Variants in FARS2 observed in about 807,000 individuals in gnomAD.
FARS2 encodes the protein phenylalanyl-tRNA synthetase 2, mitochondrial.
Under a neutral mutation model 46.4 loss-of-function variants are expected in FARS2, and 40 were observed. That is an observed-to-expected ratio of 0.86 (90% CI 0.67 to 1.12). The LOEUF (loss-of-function observed/expected upper bound fraction) is 1.12, where lower values mean the gene tolerates loss of function less well. Among genes scored for constraint, FARS2 ranks in the 50% most tolerant of loss-of-function variants. The pLI is 0.00. For synonymous variants in FARS2, 234 were observed against 214.9 expected, an observed-to-expected ratio of 1.09 and a Z score of -0.78; for missense variants, 513 against 567.9, an observed-to-expected ratio of 0.90 and a Z score of 0.98.
At chr6:5,712,157 C>G (rs1015166884) in intron 6 of FARS2, among the ~76,000 whole-genome samples, 4 of 152,192 alleles carry the variant, frequency 2.6e-5, no homozygotes, top group African/African-American at 7.2e-5. Context: ...CACAGCACAG[C>G]TGAAGTAGCT....
chr6:5,283,690 C>T (rs915310130), intron 1 of FARS2, among the ~76,000 whole-genome samples: 3 of 152,034 alleles, frequency 2.0e-5, no homozygotes, highest in African/African-American at 4.8e-5. Flanking sequence ...ACATTTATAT[C>T]GCATTTCTAA....
At chr6:5,310,149 A>T (rs1258535239) in intron 1 of FARS2, among the ~76,000 whole-genome samples, 1 of 152,142 alleles carries the variant, frequency 6.6e-6, no homozygotes, top group Non-Finnish European at 1.5e-5. Context: ...GGGAAAGTAG[A>T]TTTTCCAATA....
At chr6:5,427,889 T>C (rs1762938530) in intron 3 of FARS2, among the ~76,000 whole-genome samples, 1 of 152,214 alleles carries the variant, frequency 6.6e-6, no homozygotes, top group Non-Finnish European at 1.5e-5. Context: ...ATTACAGAAA[T>C]TTTCAATCCA....
intron 1 of FARS2, among the ~76,000 whole-genome samples, chr6:5,272,814 C>T (rs1766057794): frequency 6.6e-6 from 1 of 152,172 alleles, no homozygotes; most frequent in African/African-American, 2.4e-5. Context: ...CCCTCCTGCC[C>T]TGTACCCTTC....
intron 4 of FARS2, among the ~76,000 whole-genome samples, chr6:5,439,650 C>G (rs1401515448): frequency 1.3e-5 from 2 of 152,202 alleles, no homozygotes; most frequent in Non-Finnish European, 2.9e-5. Flanking sequence ...TGTGAATGCA[C>G]TCCAGGTGAA....
In FARS2 at chr6:5,739,976, G is replaced by A. The variant is rs138259056; in HGVS notation, c.1218-31315G>A. On this transcript the variant is annotated intron_variant, in intron 6 of 6. Coordinates refer to ENST00000274680, the MANE Select transcript of FARS2 (RefSeq NM_006567.5). ...TTGCTGACCCAATTATACAGACAAAGCAATTATGGCTTAGAAAAATTAACA... is the reference window on the plus strand; with the variant it reads ...TTGCTGACCCAATTATACAGACAAAACAATTATGGCTTAGAAAAATTAACA... Among the ~76,000 whole-genome samples, 4 of 152,324 alleles carry A rather than the reference G, an allele frequency of 2.6e-5. No homozygotes were observed. The East Asian group carries it at 7.7e-4, about 29-fold the overall frequency.
At chr6:5,267,652 G>T (rs1350902442) in intron 1 of FARS2, among the ~76,000 whole-genome samples, 2 of 151,824 alleles carry the variant, frequency 1.3e-5, no homozygotes, top group Non-Finnish European at 2.9e-5. Context: ...TACTCGAGAG[G>T]CTGAGGCAGG....
chr6:5,550,507 C>T (rs766279475), intron 5 of FARS2, among the ~76,000 whole-genome samples: 10 of 152,204 alleles, frequency 6.6e-5, no homozygotes, highest in Non-Finnish European at 1.3e-4. Flanking sequence ...CTCAAGCAGT[C>T]TGCCTGCCTT....
rs75085582 is a variant in FARS2, at chr6:5,300,956, A to G, written c.-22+39296A>G. Among the ~76,000 whole-genome samples, 4,930 of 151,934 alleles carry G rather than the reference A, an allele frequency of 0.032. 392 individuals carry two copies. In the East Asian group the frequency reaches 0.36, roughly 11 times the overall value. ...TGCCATGTTGCCCAGGCTGGTCTCA[A>G]TCTGCCTGCCTTGGCTTCCCAAAGT... On this transcript the variant is annotated intron_variant, in intron 1 of 6. Transcript: ENST00000274680.
At chr6:5,425,216 G>A (rs1261439399) in intron 3 of FARS2, among the ~76,000 whole-genome samples, 1 of 151,572 alleles carries the variant, frequency 6.6e-6, no homozygotes, top group Admixed American at 6.6e-5. Flanking sequence ...CTGGTTTGGT[G>A]TAGAAAATCA....
intron 6 of FARS2, among the ~76,000 whole-genome samples, chr6:5,691,020 A>G (rs916762579): frequency 2.0e-5 from 3 of 152,156 alleles, no homozygotes; most frequent in African/African-American, 7.2e-5. Context: ...TTCATCACAT[A>G]GTTCTCGTGC....
chr6:5,717,929 T>C lies in FARS2; in HGVS notation c.1218-53362T>C, dbSNP rs1273428520. Reference sequence around the variant, plus strand: ...TCAGCTATATATATATATATATATATATATATACAGAGTCTCACTCTGTCG... The same window carrying C: ...TCAGCTATATATATATATATATATACATATATACAGAGTCTCACTCTGTCG... On this transcript the variant is annotated intron_variant, in intron 6 of 6. Coordinates refer to ENST00000274680, the MANE Select transcript of FARS2 (RefSeq NM_006567.5). Among the ~76,000 whole-genome samples the C allele has an allele frequency of 8.6e-5, 9 of 105,034 alleles. 1 individual carries two copies. Among genetic ancestry groups the C allele is most frequent in the African/African-American group, 5.4e-4 (9 of 16,672 alleles). The allele number at this position is 105,034 out of a possible 152,430, so 68.9% of individuals were successfully genotyped here.
At chr6:5,302,777 T>C (rs1768413079) in intron 1 of FARS2, among the ~76,000 whole-genome samples, 1 of 151,666 alleles carries the variant, frequency 6.6e-6, no homozygotes, top group African/African-American at 2.4e-5. Flanking sequence ...GGTGCAGAAA[T>C]GAGAGTGTTT....
At chr6:5,613,432 T>C in intron 6 of FARS2, 112 bp downstream of exon 6, 1 of 843,814 alleles carries the variant, frequency 1.2e-6, no homozygotes, top group Non-Finnish European at 1.9e-6. Context: ...CAAAATGTCT[T>C]CTGAATTTGT....
intron 6 of FARS2, among the ~76,000 whole-genome samples, chr6:5,650,840 G>A (rs1278306265): frequency 6.6e-6 from 1 of 152,114 alleles, no homozygotes; most frequent in East Asian, 1.9e-4. Context: ...CCCTGGAGAG[G>A]GAGTGTGCTC....
At chr6:5,354,467 T>G (rs1334624628) in intron 1 of FARS2, among the ~76,000 whole-genome samples, 1 of 152,112 alleles carries the variant, frequency 6.6e-6, no homozygotes, top group East Asian at 1.9e-4. Context: ...TTATATCCTC[T>G]GTTTAATAGT....
intron 6 of FARS2, among the ~76,000 whole-genome samples, chr6:5,624,757 C>T (rs1479791106): frequency 6.6e-6 from 1 of 152,156 alleles, no homozygotes; most frequent in African/African-American, 2.4e-5. Flanking sequence ...AAACACACAC[C>T]AAGAGCAACC....
chr6:5,256,574 T>A (rs374224167), upstream of FARS2, among the ~76,000 whole-genome samples: 16 of 145,580 alleles, frequency 1.1e-4, no homozygotes, highest in South Asian at 3.6e-3. Flanking sequence ...CCTTTTACAC[T>A]GTGTGAGATG....
chr6:5,469,752 G>A (rs1286030614), intron 4 of FARS2, among the ~76,000 whole-genome samples: 1 of 152,208 alleles, frequency 6.6e-6, no homozygotes, highest in Non-Finnish European at 1.5e-5. Flanking sequence ...ATATAAGAAT[G>A]AACAGAGCTT....
Sources: gnomAD v4.1 joint callset for allele counts (sites outside exome capture counted in the v4.1 genomes callset) on GRCh38, gnomAD v4.1.1 for gene constraint, MANE v1.5 for transcripts, NCBI Gene and HGNC (gene_info 2026-07-23, HGNC 2026-07-21) for gene names.